TRPC5: variants seen among roughly 807,000 people sequenced by gnomAD.
TRPC5 encodes transient receptor potential cation channel subfamily C member 5.
In TRPC5, 9 loss-of-function variants were observed where a neutral mutation model predicts 56.5. That is an observed-to-expected ratio of 0.16 (90% CI 0.10 to 0.28). The LOEUF is 0.28. Among genes scored for constraint, TRPC5 ranks in the 10% least tolerant of loss-of-function variants. TRPC5 has a pLI of 1.00. For missense variants in TRPC5, 469 were observed against 748.9 expected (o/e 0.63, Z 4.36); for synonymous variants, 282 against 278.5 (o/e 1.01, Z -0.13).
chrX:111,927,646 T>C lies in TRPC5; in HGVS notation c.379-14834A>G, dbSNP rs190831676. Reference sequence around the variant, plus strand: ...GGTCATTATGGAGACTGCCTCTCCATGGCATGGTGCTATTACTCTTAGCTA... The same window carrying C: ...GGTCATTATGGAGACTGCCTCTCCACGGCATGGTGCTATTACTCTTAGCTA... On this transcript the variant is annotated intron_variant, in intron 2 of 10. Transcript: ENST00000262839. 3.6e-5 allele frequency among the ~76,000 whole-genome samples: 4 copies of C among 110,998 alleles called. No homozygotes were observed. The East Asian group carries it at 1.1e-3, about 32-fold the overall frequency.
intron 3 of TRPC5, among the ~76,000 whole-genome samples, chrX:111,900,885 A>G (rs1296652666): frequency 8.9e-6 from 1 of 111,837 alleles, no homozygotes; most frequent in Non-Finnish European, 1.9e-5. Flanking sequence ...TTGAGCCAAT[A>G]TCTAGATTTT....
chrX:112,056,088 C>T (rs1429761781), intron 1 of TRPC5, among the ~76,000 whole-genome samples: 1 of 111,442 alleles, frequency 9.0e-6, no homozygotes, highest in Non-Finnish European at 1.9e-5. Flanking sequence ...CCATATTGAC[C>T]CTTTTCACAA....
At chrX:111,844,460 CTTT>C (rs746423281) in intron 6 of TRPC5, among the ~76,000 whole-genome samples, 1 of 95,389 alleles carries the variant, frequency 1.0e-5, no homozygotes. Context: ...TTCTTTCTTT[CTTT>C]TTTTTTTTTT....
intron 6 of TRPC5, among the ~76,000 whole-genome samples, chrX:111,837,795 G>T (rs1358429321): frequency 1.8e-5 from 2 of 109,503 alleles, no homozygotes; most frequent in Non-Finnish European, 3.8e-5. Flanking sequence ...CGCTCAGCCA[G>T]GCATGGTGGC....
chrX:111,948,338 C>T (rs769270366), intron 2 of TRPC5, among the ~76,000 whole-genome samples: 61 of 111,429 alleles, frequency 5.5e-4, no homozygotes, highest in Non-Finnish European at 9.8e-4. Context: ...GCAAGCTTCA[C>T]GGATTGGTTT....
chrX:112,054,384 A>G (rs1234829583), intron 1 of TRPC5, among the ~76,000 whole-genome samples: 1 of 111,163 alleles, frequency 9.0e-6, no homozygotes, highest in Non-Finnish European at 1.9e-5. Context: ...GCACACCAAG[A>G]TGAGGTGGTT....
chrX:111,976,084 A>T (rs752101037), intron 1 of TRPC5, among the ~76,000 whole-genome samples: 30 of 111,893 alleles, frequency 2.7e-4, no homozygotes, highest in East Asian at 8.4e-4. Context: ...ATACAGAAAA[A>T]TTTTTTTATG....
chrX:111,877,571 G>A (rs1924010802), intron 3 of TRPC5, among the ~76,000 whole-genome samples: 1 of 111,392 alleles, frequency 9.0e-6, no homozygotes, highest in Non-Finnish European at 1.9e-5. Flanking sequence ...GTGTAGGAAG[G>A]ACATCAGAGT....
intron 3 of TRPC5, among the ~76,000 whole-genome samples, chrX:111,908,651 T>G (rs1256649378): frequency 8.9e-6 from 1 of 112,083 alleles, no homozygotes; most frequent in African/African-American, 3.2e-5. Context: ...ATTTATTTGA[T>G]TCACAAATAT....
At position 111,834,867 on chromosome X, in the gene TRPC5, T is replaced by C. The variant is rs768189359; in HGVS notation, c.1896+54A>G. 535 of 987,542 alleles carry C rather than the reference T, an allele frequency of 5.4e-4. 2 individuals are homozygous for C. Among genetic ancestry groups the C allele is most frequent in the Non-Finnish European group, 7.0e-4 (496 of 712,812 alleles). The allele number at this position is 987,542 out of a possible 1,213,427, so 81.4% of individuals were successfully genotyped here. ...GAGCTTCTAATGAACTCTATGCCGA[T>C]GTTGCCCCAACCTGAAACCAAAGTA... On this transcript the variant is annotated intron_variant, in intron 7 of 10. Transcript: ENST00000262839.
At chrX:111,956,590 T>C (rs1248482001) in intron 1 of TRPC5, among the ~76,000 whole-genome samples, 1 of 111,609 alleles carries the variant, frequency 9.0e-6, no homozygotes, top group Non-Finnish European at 1.9e-5. Flanking sequence ...TGGAAATTTC[T>C]TGTATAAAAG....
intron 7 of TRPC5, among the ~76,000 whole-genome samples, chrX:111,807,956 C>CTCTGTGTGTGTG (rs905386723): frequency 0.013 from 1,228 of 91,881 alleles, 35 homozygotes; most frequent in African/African-American, 0.056. Context: ...CTCTCTCTCT[C>CTCTGTGTGTGTG]TGTGTGTGTG....
intron 7 of TRPC5, among the ~76,000 whole-genome samples, chrX:111,825,203 CTTTCTTTCT>C (rs1392166815): frequency 1.4e-5 from 1 of 69,952 alleles, no homozygotes; most frequent in Admixed American, 1.8e-4. Context: ...TTCTTTCTTT[CTTTCTTTCT>C]TTCTTTCTTC....
At chrX:111,965,699 C>A (rs1327075428) in intron 1 of TRPC5, among the ~76,000 whole-genome samples, 1 of 111,957 alleles carries the variant, frequency 8.9e-6, no homozygotes, top group Non-Finnish European at 1.9e-5. Flanking sequence ...TACATGGAAA[C>A]TGAACAACCT....
rs749346730 is a variant in TRPC5 at position 112,025,051 on chromosome X, C to A, written c.-22+56828G>T. Among the ~76,000 whole-genome samples, 19 of 111,947 alleles carry A rather than the reference C, an allele frequency of 1.7e-4. No individual in the cohort carries two copies. In the South Asian group the frequency reaches 7.0e-3, roughly 42 times the overall value. The stretch of plus-strand genomic sequence containing the variant: ...TAATCATCCCTGAAACTATTCATAC[C>A]AAATACAACACAAACCCCTTGCTTT... On this transcript the variant is annotated intron_variant, in intron 1 of 10. Coordinates refer to ENST00000262839, the MANE Select transcript of TRPC5 (RefSeq NM_012471.3).
At chrX:112,028,737 C>T (rs945256258) in intron 1 of TRPC5, among the ~76,000 whole-genome samples, 1 of 112,134 alleles carries the variant, frequency 8.9e-6, no homozygotes, top group African/African-American at 3.2e-5. Context: ...AATAAACATA[C>T]ATGTGCATGT....
chrX:112,074,091 C>A (rs918066265), intron 1 of TRPC5, among the ~76,000 whole-genome samples: 2 of 110,978 alleles, frequency 1.8e-5, no homozygotes, highest in Admixed American at 9.6e-5. Flanking sequence ...AAGGCAGGTA[C>A]TTTTAGTTTT....
intron 7 of TRPC5, among the ~76,000 whole-genome samples, chrX:111,797,473 G>T (rs1022234610): frequency 1.8e-5 from 2 of 111,484 alleles, no homozygotes; most frequent in Admixed American, 9.6e-5. Flanking sequence ...TTCTAGGAGG[G>T]ACTAAATGGT....
chrX:111,859,136 AT>A (rs944413635), intron 3 of TRPC5, among the ~76,000 whole-genome samples: 3 of 108,691 alleles, frequency 2.8e-5, no homozygotes, highest in African/African-American at 1.0e-4. Context: ...TCCAGCTTAA[AT>A]TTTTTTTTTC....
Sources: gnomAD v4.1 joint callset for allele counts (sites outside exome capture counted in the v4.1 genomes callset) on GRCh38, gnomAD v4.1.1 for gene constraint, MANE v1.5 for transcripts, NCBI Gene and HGNC (gene_info 2026-07-23, HGNC 2026-07-21) for gene names.